MPLKIP: variants seen among roughly 807,000 people sequenced by gnomAD.
The protein encoded by MPLKIP is M-phase-specific PLK1-interacting protein.
A neutral mutation model predicts 16.9 loss-of-function variants in MPLKIP; 16 were observed. The observed-to-expected ratio is 0.94, with a 90% CI of 0.64 to 1.43. The LOEUF (loss-of-function observed/expected upper bound fraction) is 1.43, where lower values mean the gene tolerates loss of function less well. Ranked by LOEUF, MPLKIP falls within the 40% of genes most tolerant of loss-of-function variation. The probability of loss-of-function intolerance (pLI) is 0.00; values close to 1 mark genes in which losing one functional copy is unlikely to be tolerated. For synonymous variants in MPLKIP, 126 were observed against 98.4 expected (o/e 1.28, Z -1.66); for missense variants, 282 against 237.6 (o/e 1.19, Z -1.23).
Position 40,127,538 on chromosome 7 carries a change from G to A in MPLKIP, c.*5521C>T, listed in dbSNP as rs1049259650. ...GGAGACCAGCCTGGGCAACATAGCA[G>A]GATCGGTCTCAAAAAAAAGAAAAGT... On this transcript the variant is annotated 3_prime_UTR_variant, in exon 2 of 2. Transcript: ENST00000306984. 6.6e-6 allele frequency: 1 copy of A among 151,366 alleles called. No individual in the cohort carries two copies. Among genetic ancestry groups the A allele is most frequent in the Non-Finnish European group, 1.5e-5 (1 of 67,802 alleles). The allele number at this position is 151,366 out of a possible 1,614,324, so 9.4% of individuals were successfully genotyped here.
rs1279072493 is a variant in MPLKIP, at chr7:40,128,721, C to T, written c.*4338G>A. ...CATGAGGTCAGGAGATTGAGACCAT[C>T]CTGGCTAACAGGGTGAAACCCTGCC... is the stretch of plus-strand genomic sequence containing the variant. On this transcript the variant is annotated 3_prime_UTR_variant, in exon 2 of 2. Transcript: ENST00000306984. 6.6e-6 allele frequency: 1 copy of T among 152,230 alleles called. No homozygotes were observed. Among genetic ancestry groups the T allele is most frequent in the African/African-American group, 2.4e-5 (1 of 41,426 alleles). The allele number at this position is 152,230 out of a possible 1,614,324, so 9.4% of individuals were successfully genotyped here. A position where few individuals can be genotyped will look rare whatever the true frequency, so the allele number is the denominator to read the frequency against.
In MPLKIP at chr7:40,134,483, C is replaced by A; in HGVS notation, c.85G>T (p.Gly29Ter). ...CGTGGTCCGCCCCCGCCCGGGGTTCCCCGGAAGCTGCTTCCGCTACCCCAA... is the reference window on the plus strand; with the variant it reads ...CGTGGTCCGCCCCCGCCCGGGGTTCACCGGAAGCTGCTTCCGCTACCCCAA... Reference protein sequence around the residue: ...GGWGSGSSFRGTPGGGGPRPP... With the variant: ...GGWGSGSSFR Residue 29 changes from glycine (G) to a stop codon, truncating the protein, a stop_gained, in exon 1 of 2, where the codon GGA (glycine) becomes TGA (stop). Coordinates refer to ENST00000306984, the MANE Select transcript of MPLKIP (RefSeq NM_138701.4). LOFTEE classifies it high-confidence loss of function. 1.9e-6 allele frequency: 3 copies of A among 1,577,448 alleles called. No homozygotes were observed. Among genetic ancestry groups the A allele is most frequent in the Non-Finnish European group, 2.6e-6 (3 of 1,163,306 alleles).
chr7:40,133,781 C>T (rs770505938), intron 1 of MPLKIP, among the ~76,000 whole-genome samples: 2 of 150,120 alleles, frequency 1.3e-5, no homozygotes, highest in Non-Finnish European at 2.9e-5. Context: ...GATACTCTCT[C>T]TGTCTTTTGT....
chr7:40,133,994 C>A (rs1285985678), intron 1 of MPLKIP, among the ~76,000 whole-genome samples: 2 of 151,598 alleles, frequency 1.3e-5, no homozygotes, highest in African/African-American at 4.9e-5. Flanking sequence ...GTACGGGTGG[C>A]AGTGTATTGG....
Position 40,132,823 on chromosome 7 carries a change from T to A in MPLKIP, c.*236A>T. The A allele has an allele frequency of 1.9e-6, 1 of 534,836 alleles. No individual in the cohort carries two copies. Among genetic ancestry groups the A allele is most frequent in the Non-Finnish European group, 3.4e-6 (1 of 298,474 alleles). 33.1% of individuals were successfully genotyped at this position (534,836 alleles called of 1,614,324 possible). On this transcript the variant is annotated 3_prime_UTR_variant, in exon 2 of 2. Transcript: ENST00000306984. ...CCATTATGTAACCAGGAATGTTAAA[T>A]ATATGGAAACGGTAAATCTCTAAAA...
chr7:40,131,679 C>T lies in MPLKIP; in HGVS notation c.*1380G>A, dbSNP rs1162359908. The stretch of plus-strand genomic sequence containing the variant: ...TGGCCAACACGGTGAAACCCCATCT[C>T]TATTCAAAATACAAAAATGAGCCAG... On this transcript the variant is annotated 3_prime_UTR_variant, in exon 2 of 2. Transcript: ENST00000306984. 6.6e-6 allele frequency: 1 copy of T among 152,192 alleles called. No individual in the cohort carries two copies. The highest frequency in any genetic ancestry group is 1.5e-5 in the Non-Finnish European group (1 of 68,066). The allele number at this position is 152,192 out of a possible 1,614,324, so 9.4% of individuals were successfully genotyped here. A position where few individuals can be genotyped will look rare whatever the true frequency, so the allele number is the denominator to read the frequency against.
At position 40,131,203 on chromosome 7, in the gene MPLKIP, T is replaced by A. The variant is rs1367120828; in HGVS notation, c.*1856A>T. 1.3e-5 allele frequency: 2 copies of A among 151,602 alleles called. No homozygotes were observed. The highest frequency in any genetic ancestry group is 4.9e-5 in the African/African-American group (2 of 40,850). 9.4% of individuals were successfully genotyped at this position (151,602 alleles called of 1,614,324 possible). On this transcript the variant is annotated 3_prime_UTR_variant, in exon 2 of 2. Coordinates refer to ENST00000306984, the MANE Select transcript of MPLKIP (RefSeq NM_138701.4). Reference sequence around the variant, plus strand: ...AATCCTGGCTTTCATGGAGCTTTTATTAATCTAAAAGCCTTCCATTCTTAT... The same window carrying A: ...AATCCTGGCTTTCATGGAGCTTTTAATAATCTAAAAGCCTTCCATTCTTAT...
chr7:40,126,614 A>C lies in MPLKIP; in HGVS notation c.*6445T>G, dbSNP rs528222580. The C allele has an allele frequency of 6.6e-6, 1 of 151,708 alleles. No homozygotes were observed. Among genetic ancestry groups the C allele is most frequent in the South Asian group, 2.1e-4 (1 of 4,798 alleles). The allele number at this position is 151,708 out of a possible 1,614,324, so 9.4% of individuals were successfully genotyped here. A position where few individuals can be genotyped will look rare whatever the true frequency, so the allele number is the denominator to read the frequency against. ...TGTCTAATTTTTGTATTTTTAGTAG[A>C]GACGGGGTTTCACCATGTTGGGCAG... On this transcript the variant is annotated 3_prime_UTR_variant, in exon 2 of 2. Coordinates refer to ENST00000306984, the MANE Select transcript of MPLKIP (RefSeq NM_138701.4).
intron 1 of MPLKIP, among the ~76,000 whole-genome samples, chr7:40,133,467 T>C (rs1249716451): frequency 6.6e-6 from 1 of 152,250 alleles, no homozygotes; most frequent in African/African-American, 2.4e-5. Context: ...TCTCATTTAT[T>C]TATAATTCCA....
Position 40,130,743 on chromosome 7 carries a change from T to C in MPLKIP, c.*2316A>G, listed in dbSNP as rs1291807037. On this transcript the variant is annotated 3_prime_UTR_variant, in exon 2 of 2. Transcript: ENST00000306984. ...GTATTTAAAAAAGTATTCCCTTTGC[T>C]TTAATTTCCATTATACATCATGACC... is the stretch of plus-strand genomic sequence containing the variant. 1 of 152,230 alleles carries C rather than the reference T, an allele frequency of 6.6e-6. No individual in the cohort carries two copies. Among genetic ancestry groups the C allele is most frequent in the Non-Finnish European group, 1.5e-5 (1 of 68,020 alleles). 9.4% of individuals were successfully genotyped at this position (152,230 alleles called of 1,614,324 possible).
At position 40,130,073 on chromosome 7, in the gene MPLKIP, T is replaced by C. The variant is rs1787442176; in HGVS notation, c.*2986A>G. The C allele has an allele frequency of 6.6e-6, 1 of 152,234 alleles. No individual in the cohort carries two copies. The highest frequency in any genetic ancestry group is 6.5e-5 in the Admixed American group (1 of 15,276). The allele number at this position is 152,234 out of a possible 1,614,324, so 9.4% of individuals were successfully genotyped here. On this transcript the variant is annotated 3_prime_UTR_variant, in exon 2 of 2. Transcript: ENST00000306984. ...CACTGCGATCTGAATTTGCATTCCC[T>C]TAAAGCTATTTATGCCTGCATATCC...
rs1219522419 is a variant in MPLKIP at position 40,134,413 on chromosome 7, G to A, written c.155C>T (p.Pro52Leu). The change falls in exon 1 of 2, where the codon CCG becomes CTG. Residue 52 changes from proline (P) to leucine (L), a missense_variant. By Grantham distance (98) the Pro-to-Leu change is moderately conservative. Coordinates refer to ENST00000306984, the MANE Select transcript of MPLKIP (RefSeq NM_138701.4). ...CGGCCTAGACCGGGGCCCGTACGGC[G>A]GCGTGTGGTGCGGACTCCCGTACCC... ...RDGYGSPHHTPPYGPRSRPYG... is the reference protein window; with the variant it reads ...RDGYGSPHHTLPYGPRSRPYG... 3.8e-6 allele frequency: 6 copies of A among 1,563,608 alleles called. No individual in the cohort carries two copies. The highest frequency in any genetic ancestry group is 5.2e-6 in the Non-Finnish European group (6 of 1,156,138).
At position 40,132,671 on chromosome 7, in the gene MPLKIP, T is replaced by C. The variant is rs1207150372; in HGVS notation, c.*388A>G. ...AAATAATTTGCAAAACATTTACCTA[T>C]GAACTCTAAGTGACTACAAAGCATT... On this transcript the variant is annotated 3_prime_UTR_variant, in exon 2 of 2. Transcript: ENST00000306984. 1.5e-5 allele frequency: 4 copies of C among 270,530 alleles called. No individual in the cohort carries two copies. The highest frequency in any genetic ancestry group is 2.3e-5 in the African/African-American group (1 of 44,086). The allele number at this position is 270,530 out of a possible 1,614,324, so 16.8% of individuals were successfully genotyped here.
At position 40,127,233 on chromosome 7, in the gene MPLKIP, G is replaced by A. The variant is rs1787403594; in HGVS notation, c.*5826C>T. The A allele has an allele frequency of 6.6e-6, 1 of 151,984 alleles. No individual in the cohort carries two copies. Among genetic ancestry groups the A allele is most frequent in the South Asian group, 2.1e-4 (1 of 4,812 alleles). 9.4% of individuals were successfully genotyped at this position (151,984 alleles called of 1,614,324 possible). ...AGTTCGAGACCAGCCTTGCCAATAT[G>A]GTGAAACCCCATCTCTACCAAATAT... On this transcript the variant is annotated 3_prime_UTR_variant, in exon 2 of 2. Coordinates refer to ENST00000306984, the MANE Select transcript of MPLKIP (RefSeq NM_138701.4).
rs2150558270 is a variant in MPLKIP at position 40,128,113 on chromosome 7, T to A, written c.*4946A>T. ...AGGTGTACTGATGACTACTATGTAT[T>A]TTTTTTTTTCAGACTAGTCAAGTGC... On this transcript the variant is annotated 3_prime_UTR_variant, in exon 2 of 2. Transcript: ENST00000306984. The A allele has an allele frequency of 6.6e-6, 1 of 150,562 alleles. No individual in the cohort carries two copies. The highest frequency in any genetic ancestry group is 2.4e-5 in the African/African-American group (1 of 41,154). 9.3% of individuals were successfully genotyped at this position (150,562 alleles called of 1,614,324 possible). A position where few individuals can be genotyped will look rare whatever the true frequency, so the allele number is the denominator to read the frequency against.
At position 40,133,110 on chromosome 7, in the gene MPLKIP, T is replaced by C. The variant is rs748062800; in HGVS notation, c.489A>G (p.Gln163=). ...EPVSVVDISQ[Q]YSNTQTFTGK... is the part of the protein sequence containing the mutation. Reference sequence around the variant, plus strand: ...CTGTGAATGTTTGAGTATTGCTGTATTGTTGGCTTATATCCACTACAGATA... The same window carrying C: ...CTGTGAATGTTTGAGTATTGCTGTACTGTTGGCTTATATCCACTACAGATA... The change falls in exon 2 of 2, where the codon CAA becomes CAG. Residue 163 remains glutamine, a synonymous_variant. Transcript: ENST00000306984. 3.1e-6 allele frequency: 5 copies of C among 1,613,944 alleles called. No homozygotes were observed. Among genetic ancestry groups the C allele is most frequent in the East Asian group, 4.5e-5 (2 of 44,842 alleles).
At chr7:40,133,886 T>TAAAAAAA (rs34937720) in intron 1 of MPLKIP, among the ~76,000 whole-genome samples, 987 of 103,868 alleles carry the variant, frequency 9.5e-3, no homozygotes, top group Non-Finnish European at 0.012. Context: ...GAAAGAAAGA[T>TAAAAAAA]AAAAAAAAAA....
Position 40,134,329 on chromosome 7 carries a change from G to T in MPLKIP, c.239C>A (p.Ser80Tyr). 6.4e-7 allele frequency: 1 copy of T among 1,553,534 alleles called. No homozygotes were observed. Among genetic ancestry groups the T allele is most frequent in the South Asian group, 1.2e-5 (1 of 84,396 alleles). Residue 80 changes from serine to tyrosine, a missense_variant, in exon 1 of 2, where the codon TCT becomes TAT. By Grantham distance (144) the Ser-to-Tyr change is moderately radical (BLOSUM62 -2). Coordinates refer to ENST00000306984, the MANE Select transcript of MPLKIP (RefSeq NM_138701.4). The part of the protein sequence containing the change: ...GGSFPGGRFG[S>Y]PSPGGYPGSY... Reference sequence around the variant, plus strand: ...GCCAGGGTAGCCGCCAGGGGACGGAGACCCGAACCGGCCCCCCGGGAAGCT... The same window carrying T: ...GCCAGGGTAGCCGCCAGGGGACGGATACCCGAACCGGCCCCCCGGGAAGCT...
At position 40,129,379 on chromosome 7, in the gene MPLKIP, C is replaced by T. The variant is rs375986354; in HGVS notation, c.*3680G>A. On this transcript the variant is annotated 3_prime_UTR_variant, in exon 2 of 2. Coordinates refer to ENST00000306984, the MANE Select transcript of MPLKIP (RefSeq NM_138701.4). ...TCAAGTGATTCTTCTGCCTCAGCCT[C>T]CCCAGTAGCTGGTATTACAGGCGCG... 5 of 152,136 alleles carry T rather than the reference C, an allele frequency of 3.3e-5. No individual in the cohort carries two copies. Among genetic ancestry groups the T allele is most frequent in the African/African-American group, 1.2e-4 (5 of 41,460 alleles). 9.4% of individuals were successfully genotyped at this position (152,136 alleles called of 1,614,324 possible).
Sources: gnomAD v4.1 joint callset for allele counts (sites outside exome capture counted in the v4.1 genomes callset) on GRCh38, gnomAD v4.1.1 for gene constraint, MANE v1.5 for transcripts, NCBI Gene and HGNC (gene_info 2026-07-23, HGNC 2026-07-21) for gene names.